Variants in USP13 observed in about 807,000 individuals in gnomAD.
USP13 encodes the protein ubiquitin specific peptidase 13, also known as ubiquitin carboxyl-terminal hydrolase 13.
In USP13, 68 loss-of-function variants were observed where a neutral mutation model predicts 107.8. The observed-to-expected ratio is 0.63, with a 90% CI of 0.52 to 0.77. The LOEUF (loss-of-function observed/expected upper bound fraction) is 0.77, where lower values mean the gene tolerates loss of function less well. USP13 is among the 30% of genes least tolerant of loss of function. The pLI is 0.00. For synonymous variants in USP13, 377 were observed against 389.5 expected (o/e 0.97, Z 0.38); for missense variants, 945 against 1,093.3 (o/e 0.86, Z 1.91).
intron 3 of USP13, among the ~76,000 whole-genome samples, chr3:179,696,344 T>TTG (rs1436914701): frequency 2.0e-5 from 3 of 150,052 alleles, no homozygotes; most frequent in Non-Finnish European, 3.0e-5. Flanking sequence ...TTTTTTTTTT[T>TTG]TTTGAGATGG....
At chr3:179,712,383 T>A (rs1179631726) in intron 6 of USP13, among the ~76,000 whole-genome samples, 1 of 152,164 alleles carries the variant, frequency 6.6e-6, no homozygotes, top group Non-Finnish European at 1.5e-5. Flanking sequence ...AAAATACTAG[T>A]AATACCACCC....
At chr3:179,676,484 G>A (rs1720895111) in intron 1 of USP13, among the ~76,000 whole-genome samples, 1 of 152,164 alleles carries the variant, frequency 6.6e-6, no homozygotes, top group African/African-American at 2.4e-5. Context: ...AAGAAGCTTA[G>A]CTTGATTGTG....
At chr3:179,660,926 C>T (rs1720439089) in intron 1 of USP13, among the ~76,000 whole-genome samples, 1 of 152,116 alleles carries the variant, frequency 6.6e-6, no homozygotes, top group Non-Finnish European at 1.5e-5. Flanking sequence ...TTTTTGACCT[C>T]TTTATACTCT....
intron 1 of USP13, among the ~76,000 whole-genome samples, chr3:179,656,834 T>C (rs1720277335): frequency 6.6e-6 from 1 of 152,228 alleles, no homozygotes; most frequent in African/African-American, 2.4e-5. Flanking sequence ...GGACTTTGTG[T>C]TATTTCCAGC....
intron 1 of USP13, among the ~76,000 whole-genome samples, chr3:179,662,218 C>T (rs1022343934): frequency 8.5e-5 from 13 of 152,154 alleles, no homozygotes; most frequent in African/African-American, 2.9e-4. Context: ...TCTTCCCCAG[C>T]GCTGAAACCT....
intron 3 of USP13, among the ~76,000 whole-genome samples, chr3:179,699,936 T>G (rs959163153): frequency 2.0e-5 from 3 of 151,966 alleles, no homozygotes; most frequent in African/African-American, 7.2e-5. Context: ...TAAAATAACT[T>G]TCTTCTGTCT....
chr3:179,679,224 AT>A (rs1711565209), intron 1 of USP13, among the ~76,000 whole-genome samples: 1 of 152,158 alleles, frequency 6.6e-6, no homozygotes, highest in African/African-American at 2.4e-5. Context: ...TTTTATTGGA[AT>A]TTAAACAAAT....
intron 3 of USP13, among the ~76,000 whole-genome samples, chr3:179,690,785 G>A (rs1032287448): frequency 1.1e-4 from 16 of 152,120 alleles, no homozygotes; most frequent in Admixed American, 9.8e-4. Flanking sequence ...TGTTGCCCAG[G>A]CTGGTCTGGA....
At chr3:179,730,327 T>A (rs1338736277) in intron 9 of USP13, 67 bp downstream of exon 9, 2 of 1,490,174 alleles carry the variant, frequency 1.3e-6, no homozygotes, top group Non-Finnish European at 1.8e-6. Flanking sequence ...ATAGTGGATA[T>A]CTCTGGGTTG....
Position 179,779,185 on chromosome 3 carries a change from A to G in USP13, c.2414-2554A>G, listed in dbSNP as rs144325961. Among the ~76,000 whole-genome samples the G allele has an allele frequency of 3.7e-4, 56 of 151,942 alleles. No homozygotes were observed. In the East Asian group the frequency reaches 0.01, roughly 27 times the overall value. On this transcript the variant is annotated intron_variant, in intron 19 of 20. Transcript: ENST00000263966. The stretch of plus-strand genomic sequence containing the variant: ...ATTTTACTCAGTGATACAGAGAGCC[A>G]CTGGAGGGTTTTGGGGGCCGAGTAA...
intron 19 of USP13, among the ~76,000 whole-genome samples, chr3:179,777,443 C>CTTTT (rs11317182): frequency 1.3e-4 from 15 of 113,674 alleles, no homozygotes; most frequent in Non-Finnish European, 1.4e-4. Flanking sequence ...CTCTCTCTCT[C>CTTTT]TTTTTTTTTT....
chr3:179,690,729 C>T lies in USP13; in HGVS notation c.355+428C>T, dbSNP rs571557766. 1.1e-4 allele frequency among the ~76,000 whole-genome samples: 16 copies of T among 152,280 alleles called. No homozygotes were observed. In the South Asian group the frequency reaches 2.9e-3, roughly 28 times the overall value. On this transcript the variant is annotated intron_variant, in intron 3 of 20. Transcript: ENST00000263966. ...CTGAGACCACAGGCACACACCACCA[C>T]GACTGGCTAATTTTTTGTACTTTTT...
chr3:179,712,947 T>G (rs1242185026), intron 6 of USP13, among the ~76,000 whole-genome samples: 1 of 152,208 alleles, frequency 6.6e-6, no homozygotes, highest in Non-Finnish European at 1.5e-5. Flanking sequence ...TTTTTCTTAG[T>G]ATTCTTGGCC....
chr3:179,730,769 G>A, intron 10 of USP13, 60 bp downstream of exon 10: 1 of 1,515,688 alleles, frequency 6.6e-7, no homozygotes, highest in South Asian at 1.2e-5. Flanking sequence ...TAGAATGTGG[G>A]TTTCCTATGA....
At chr3:179,751,943 A>G (rs575354962) in intron 13 of USP13, among the ~76,000 whole-genome samples, 1 of 152,164 alleles carries the variant, frequency 6.6e-6, no homozygotes, top group Non-Finnish European at 1.5e-5. Flanking sequence ...GGGTTTCACC[A>G]TGTTGGCCAG....
chr3:179,653,627 C>G lies in USP13; in HGVS notation c.168+234C>G, dbSNP rs1720158675. ...CCAGCCTCCCCAGGCTGGAAGGGCC[C>G]GATTCCCAGCAGCTTGCACACAGCC... is the stretch of plus-strand genomic sequence containing the variant. On this transcript the variant is annotated intron_variant, in intron 1 of 20. Transcript: ENST00000263966. The surrounding 1 kb of genome is among the most constrained non-coding windows in gnomAD (Gnocchi z 4.0). 5.5e-6 allele frequency: 3 copies of G among 547,404 alleles called. No individual in the cohort carries two copies. Among genetic ancestry groups the G allele is most frequent in the Admixed American group, 3.5e-5 (1 of 28,850 alleles). The allele number at this position is 547,404 out of a possible 1,614,324, so 33.9% of individuals were successfully genotyped here. A position where few individuals can be genotyped will look rare whatever the true frequency, so the allele number is the denominator to read the frequency against.
At position 179,765,847 on chromosome 3, in the gene USP13, A is replaced by G; in HGVS notation, c.2412A>G (p.Gly804=). ...GACCTAGAGTCAAGGATGGATCTGG[A>G]AGTAAGTTCTTGCCTTAGAGGCTGT... ...PEGPRVKDGS[G]TYELFAFISH... The change falls in exon 19 of 21, where the codon GGA becomes GGG. Residue 804 remains glycine (G), a splice_region_variant and synonymous_variant. Transcript: ENST00000263966. The G allele has an allele frequency of 6.2e-7, 1 of 1,613,898 alleles. No homozygotes were observed.
chr3:179,710,454 G>A (rs1712882822), intron 6 of USP13, among the ~76,000 whole-genome samples: 1 of 152,190 alleles, frequency 6.6e-6, no homozygotes, highest in Non-Finnish European at 1.5e-5. Context: ...TGGAAATTCA[G>A]TTCTCAGAAC....
chr3:179,765,976 C>CA, intron 19 of USP13, 128 bp downstream of exon 19: 3 of 888,108 alleles, frequency 3.4e-6, no homozygotes, highest in East Asian at 3.1e-5. Context: ...CCATCTTCTT[C>CA]GTTTTTTTTT....
Sources: gnomAD v4.1 joint callset for allele counts (sites outside exome capture counted in the v4.1 genomes callset) on GRCh38, gnomAD v4.1.1 for gene constraint, Gnocchi (gnomAD v3.1) non-coding constraint, MANE v1.5 for transcripts, NCBI Gene and HGNC (gene_info 2026-07-23, HGNC 2026-07-21) for gene names.